The following LRRC4B variants were observed in gnomAD, a reference collection of about 807,000 sequenced individuals.
LRRC4B encodes the protein leucine rich repeat containing 4B.
LRRC4B carries 1 observed loss-of-function variant against 7.3 expected under a neutral mutation model. The observed-to-expected ratio is 0.14, with a 90% CI of 0.05 to 0.65. The LOEUF is 0.65. Ranked by LOEUF, LRRC4B falls within the 30% of genes least tolerant of loss-of-function variation. The pLI is 0.84. For synonymous variants in LRRC4B, 500 were observed against 499.2 expected, an observed-to-expected ratio of 1.00 and a Z score of -0.02; for missense variants, 730 against 1,041.6, an observed-to-expected ratio of 0.70 and a Z score of 4.12.
intron 2 of LRRC4B, among the ~76,000 whole-genome samples, chr19:50,544,541 TA>T (rs1265063896): frequency 2.0e-5 from 3 of 150,880 alleles, no homozygotes; most frequent in Non-Finnish European, 4.4e-5. Context: ...TAAATAAAAA[TA>T]AAAAAATAAA....
chr19:50,538,990 C>T (rs183796627), intron 2 of LRRC4B, among the ~76,000 whole-genome samples: 54 of 151,830 alleles, frequency 3.6e-4, no homozygotes, highest in Non-Finnish European at 6.6e-4. Context: ...TGGGTTCAAG[C>T]GATTCTCCTG....
chr19:50,524,440 G>T (rs1306221902), intron 2 of LRRC4B, among the ~76,000 whole-genome samples: 1 of 152,080 alleles, frequency 6.6e-6, no homozygotes, highest in African/African-American at 2.4e-5. Context: ...TTTTTGTAGA[G>T]ATGGGGTCTC....
At chr19:50,560,777 C>T (rs1304192412) in intron 1 of LRRC4B, among the ~76,000 whole-genome samples, 1 of 152,150 alleles carries the variant, frequency 6.6e-6, no homozygotes, top group Admixed American at 6.6e-5. Flanking sequence ...ACTTAAGTGA[C>T]AGCTACATTA....
intron 2 of LRRC4B, among the ~76,000 whole-genome samples, chr19:50,524,251 GTTGTT>G (rs1418758702): frequency 1.3e-5 from 2 of 151,842 alleles, no homozygotes; most frequent in African/African-American, 4.8e-5. Context: ...TGTTTGTTTG[GTTGTT>G]TTGTTTTAAG....
At chr19:50,561,995 G>GGAGC (rs879420666) in intron 1 of LRRC4B, among the ~76,000 whole-genome samples, 22,970 of 151,848 alleles carry the variant, frequency 0.15, 2,382 homozygotes, top group Admixed American at 0.29. Flanking sequence ...ATGCGTGCCT[G>GGAGC]TAGTCTCAGC....
chr19:50,529,783 G>C (rs1980968629), intron 2 of LRRC4B, among the ~76,000 whole-genome samples: 1 of 152,204 alleles, frequency 6.6e-6, no homozygotes, highest in Non-Finnish European at 1.5e-5. Context: ...CTGGGCAACA[G>C]AGTGAGAATC....
intron 1 of LRRC4B, among the ~76,000 whole-genome samples, chr19:50,567,444 T>C (rs924425132): frequency 2.6e-5 from 4 of 151,662 alleles, no homozygotes; most frequent in African/African-American, 7.3e-5. Flanking sequence ...GCAACCGCTC[T>C]TGCCAGGCGC....
rs139251625 is a variant in LRRC4B, at chr19:50,564,997, G to A, written c.-36+2947C>T. Among the ~76,000 whole-genome samples, 194 of 152,216 alleles carry A rather than the reference G, an allele frequency of 1.3e-3. 1 individual carries two copies. Among genetic ancestry groups the A allele is most frequent in the African/African-American group, 4.4e-3 (181 of 41,520 alleles). ...GGCTCTGCTTGTGAGAGATGCCAGCGCCCTCTGATACCTGATGTCTTAATT... is the reference window on the plus strand; with the variant it reads ...GGCTCTGCTTGTGAGAGATGCCAGCACCCTCTGATACCTGATGTCTTAATT... On this transcript the variant is annotated intron_variant, in intron 1 of 2. Transcript: ENST00000652263.
At position 50,545,593 on chromosome 19, in the gene LRRC4B, CA is replaced by C. The variant is rs376391010; in HGVS notation, c.297+2948del. On this transcript the variant is annotated intron_variant, in intron 2 of 2. Coordinates refer to ENST00000652263, the MANE Select transcript of LRRC4B (RefSeq NM_001080457.2). Reference sequence around the variant, plus strand: ...GAGACCCTGTCTCTAAAAATGAAACCATTTACATAGAGACAGGAAAGAGCCA... The same window carrying C: ...GAGACCCTGTCTCTAAAAATGAAACCTTTACATAGAGACAGGAAAGAGCCA... Among the ~76,000 whole-genome samples, 1,003 of 151,770 alleles carry C rather than the reference CA, an allele frequency of 6.6e-3. 6 individuals carry two copies. Among genetic ancestry groups the C allele is most frequent in the Non-Finnish European group, 9.3e-3 (631 of 67,896 alleles).
intron 2 of LRRC4B, among the ~76,000 whole-genome samples, chr19:50,520,630 GAAAA>G (rs35776740): frequency 8.7e-6 from 1 of 114,578 alleles, no homozygotes; most frequent in African/African-American, 3.4e-5. Flanking sequence ...ACTCCGTCTC[GAAAA>G]AAAAAAAAAA....
chr19:50,517,649 C>T lies in LRRC4B; in HGVS notation c.2064G>A (p.Pro688=), dbSNP rs758524603. 5 of 1,505,920 alleles carry T rather than the reference C, an allele frequency of 3.3e-6. No homozygotes were observed. Among genetic ancestry groups the T allele is most frequent in the East Asian group, 2.5e-5 (1 of 40,586 alleles). The allele number at this position is 1,505,920 out of a possible 1,614,324, so 93.3% of individuals were successfully genotyped here. Residue 688 remains proline, a synonymous_variant, in exon 3 of 3, where the codon CCG becomes CCA. Coordinates refer to ENST00000652263, the MANE Select transcript of LRRC4B (RefSeq NM_001080457.2). This position sits in a 1 kb window ranked among gnomAD's most constrained non-coding sequence, Gnocchi z 6.6. ...PSGGGCGGKG[P]PGLNSIHEPL... is the part of the protein sequence containing the mutation. ...GTTCGTGGATGGAGTTGAGGCCAGG[C>T]GGGCCTTTGCCCCCGCAGCCCCCGC...
chr19:50,524,788 C>T (rs1284908346), intron 2 of LRRC4B, among the ~76,000 whole-genome samples: 2 of 152,200 alleles, frequency 1.3e-5, no homozygotes, highest in African/African-American at 2.4e-5. Context: ...GCGTCCAGGG[C>T]ACCTCTCAGT....
rs1980403533 is a variant in LRRC4B, at chr19:50,518,454, G to A, written c.1259C>T (p.Thr420Met). 1 of 1,551,634 alleles carries A rather than the reference G, an allele frequency of 6.4e-7. No individual in the cohort carries two copies. The highest frequency in any genetic ancestry group is 8.7e-7 in the Non-Finnish European group (1 of 1,149,396). Residue 420 changes from threonine (T) to methionine (M), a missense_variant, in exon 3 of 3, where the codon ACG becomes ATG. Thr to Met is a moderately conservative substitution (Grantham distance 81, BLOSUM62 -1). This residue lies in a region of LRRC4B where 226 missense variants were observed against 448.0 expected (regional missense o/e 0.50). Transcript: ENST00000652263. ...RVRISVLHDG[T>M]LNFTNVTVQD... ...CACGGTGACGTTGGTGAAGTTAAGCGTGCCGTCATGCAGGACGGAGATGCG... is the reference window on the plus strand; with the variant it reads ...CACGGTGACGTTGGTGAAGTTAAGCATGCCGTCATGCAGGACGGAGATGCG...
At position 50,518,979 on chromosome 19, in the gene LRRC4B, C is replaced by T. The variant is rs1980432135; in HGVS notation, c.734G>A (p.Arg245His). 3.7e-6 allele frequency: 6 copies of T among 1,613,044 alleles called. No individual in the cohort carries two copies. Among genetic ancestry groups the T allele is most frequent in the Admixed American group, 1.7e-5 (1 of 59,924 alleles). ...GGTGAGACCCTGGAAGGAGCCCGGG[C>T]GGATCAGGTCCAGCCGGTTGCCCGA... ...ELSGNRLDLI[R>H]PGSFQGLTSL... Residue 245 changes from arginine (R) to histidine (H), a missense_variant, in exon 3 of 3, where the codon CGC (arginine) becomes CAC (histidine). Around this residue, in one of 6 missense-constraint regions of LRRC4B, gnomAD observed 226 missense variants for 448.0 expected, o/e 0.50. Coordinates refer to ENST00000652263, the MANE Select transcript of LRRC4B (RefSeq NM_001080457.2).
chr19:50,550,074 C>T (rs1981989614), intron 1 of LRRC4B, among the ~76,000 whole-genome samples: 1 of 152,208 alleles, frequency 6.6e-6, no homozygotes, highest in African/African-American at 2.4e-5. Context: ...TGGGTGAGCC[C>T]TTGCAATGCA....
rs1012499761 is a variant in LRRC4B, at chr19:50,563,718, G to C, written c.-36+4226C>G. ...TGTGGCCCACCCCAGCCATCAGCCAGCTGAGAAGGACAGGCTGCAACATGG... is the reference window on the plus strand; with the variant it reads ...TGTGGCCCACCCCAGCCATCAGCCACCTGAGAAGGACAGGCTGCAACATGG... On this transcript the variant is annotated intron_variant, in intron 1 of 2. Transcript: ENST00000652263. The surrounding 1 kb of genome is among the most constrained non-coding windows in gnomAD (Gnocchi z 4.9). Among the ~76,000 whole-genome samples the C allele has an allele frequency of 7.9e-5, 12 of 152,222 alleles. No individual in the cohort carries two copies. Among genetic ancestry groups the C allele is most frequent in the Admixed American group, 2.6e-4 (4 of 15,286 alleles).
In LRRC4B at chr19:50,556,758, C is replaced by T. The variant is rs1405031230; in HGVS notation, c.-35-7885G>A. Among the ~76,000 whole-genome samples the T allele has an allele frequency of 6.6e-6, 1 of 152,172 alleles. No homozygotes were observed. The highest frequency in any genetic ancestry group is 1.5e-5 in the Non-Finnish European group (1 of 68,018). On this transcript the variant is annotated intron_variant, in intron 1 of 2. Transcript: ENST00000652263. This position sits in a 1 kb window ranked among gnomAD's most constrained non-coding sequence, Gnocchi z 4.2. ...TGCAGGAACGAGCGAGCCAGCGCCC[C>T]CTACCGGCAGTTCCTCTGCTGGCAC...
In LRRC4B at chr19:50,537,510, T is replaced by C. The variant is rs769979453; in HGVS notation, c.297+11032A>G. Among the ~76,000 whole-genome samples the C allele has an allele frequency of 4.9e-4, 75 of 152,190 alleles. 1 individual carries two copies. Among genetic ancestry groups the C allele is most frequent in the Non-Finnish European group, 1.0e-3 (68 of 68,036 alleles). Reference sequence around the variant, plus strand: ...ATTCGTGGAGGGGAGAACGCGGGTCTTGTGCCTCTCAGGACTCGCAGGCTG... The same window carrying C: ...ATTCGTGGAGGGGAGAACGCGGGTCCTGTGCCTCTCAGGACTCGCAGGCTG... On this transcript the variant is annotated intron_variant, in intron 2 of 2. Coordinates refer to ENST00000652263, the MANE Select transcript of LRRC4B (RefSeq NM_001080457.2). The surrounding 1 kb of genome is among the most constrained non-coding windows in gnomAD (Gnocchi z 5.5).
At position 50,541,561 on chromosome 19, in the gene LRRC4B, C is replaced by T. The variant is rs997090143; in HGVS notation, c.297+6981G>A. Reference sequence around the variant, plus strand: ...GAGGCTACTTCTAAACGTTGGTAGTCGGGCCATCCTTAAACACAACTCTTT... The same window carrying T: ...GAGGCTACTTCTAAACGTTGGTAGTTGGGCCATCCTTAAACACAACTCTTT... On this transcript the variant is annotated intron_variant, in intron 2 of 2. Coordinates refer to ENST00000652263, the MANE Select transcript of LRRC4B (RefSeq NM_001080457.2). Among the ~76,000 whole-genome samples the T allele has an allele frequency of 3.9e-5, 6 of 152,140 alleles. No individual in the cohort carries two copies. The East Asian group carries it at 9.6e-4, about 24-fold the overall frequency.
Sources: allele counts gnomAD v4.1 joint callset (sites outside exome capture counted in the v4.1 genomes callset), GRCh38; gene constraint gnomAD v4.1.1; regional missense constraint gnomAD v4.1.1; non-coding constraint Gnocchi (gnomAD v3.1); transcripts MANE v1.5; gene names NCBI Gene and HGNC (gene_info 2026-07-23, HGNC 2026-07-21).